Variants in ZNF324B observed in about 807,000 individuals in gnomAD.
ZNF324B encodes the protein zinc finger protein 324B.
Under a neutral mutation model 10.6 loss-of-function variants are expected in ZNF324B, and 7 were observed. The ratio of observed to expected loss-of-function variants is 0.66; its 90% CI spans 0.38 to 1.24. The LOEUF is 1.24. Ranked by LOEUF, ZNF324B falls within the 50% of genes most tolerant of loss-of-function variation. The probability of loss-of-function intolerance (pLI) is 0.02; values close to 1 mark genes in which losing one functional copy is unlikely to be tolerated. For missense variants in ZNF324B, 640 were observed against 764.7 expected, an observed-to-expected ratio of 0.84 and a Z score of 1.92; for synonymous variants, 316 against 321.0, an observed-to-expected ratio of 0.98 and a Z score of 0.17.
the ZNF324B span, among the ~76,000 whole-genome samples, chr19:58,439,170 C>T: frequency 6.6e-6 from 1 of 152,194 alleles, no homozygotes; most frequent in East Asian, 1.9e-4. Flanking sequence ...ATCTGTCCTA[C>T]CTCCACGGGC....
Position 58,456,361 on chromosome 19 carries a change from C to T in ZNF324B, c.1417C>T (p.Arg473Cys). The T allele has an allele frequency of 1.2e-6, 2 of 1,612,710 alleles. No homozygotes were observed. The highest frequency in any genetic ancestry group is 1.7e-6 in the Non-Finnish European group (2 of 1,179,958). Residue 473 changes from arginine (R) to cysteine (C), a missense_variant, in exon 4 of 4, where the codon CGC (arginine) becomes TGC (cysteine). By Grantham distance (180) the Arg-to-Cys change is radical. Transcript: ENST00000336614. The surrounding 1 kb of genome is among the most constrained non-coding windows in gnomAD (Gnocchi z 4.7). ...GGGCGCCGTGCTGCTCAGCCACCGG[C>T]GCATTCACACGGGCGAGAAGCCCTT... Reference protein sequence around the residue: ...AKGAVLLSHRRIHTGEKPFVC... With the variant: ...AKGAVLLSHRCIHTGEKPFVC...
At chr19:58,438,971 G>T in the ZNF324B span, among the ~76,000 whole-genome samples, 2 of 151,266 alleles carry the variant, frequency 1.3e-5, no homozygotes, top group Admixed American at 6.6e-5. Flanking sequence ...GTGGGGTTTC[G>T]CCACGTTGGC....
At chr19:58,431,991 T>C in the ZNF324B span, among the ~76,000 whole-genome samples, 85 of 150,436 alleles carry the variant, frequency 5.7e-4, no homozygotes, top group Middle Eastern at 3.4e-3. Flanking sequence ...CAAGACTCCA[T>C]ATCAAAAAAA....
At position 58,451,655 on chromosome 19, in the gene ZNF324B, G is replaced by A. The variant is rs545114087; in HGVS notation, c.-56G>A. ...GCTGCTCGCGTCAGGCCACACCGGTGGTCTGGGCTGTGGCGCGCGGGTCGG... is the reference window on the plus strand; with the variant it reads ...GCTGCTCGCGTCAGGCCACACCGGTAGTCTGGGCTGTGGCGCGCGGGTCGG... On this transcript the variant is annotated 5_prime_UTR_variant, in exon 1 of 4. Coordinates refer to ENST00000336614, the MANE Select transcript of ZNF324B (RefSeq NM_207395.3). 13 of 513,158 alleles carry A rather than the reference G, an allele frequency of 2.5e-5. No individual in the cohort carries two copies. The highest frequency in any genetic ancestry group is 1.7e-4 in the East Asian group (3 of 17,210). The allele number at this position is 513,158 out of a possible 1,614,324, so 31.8% of individuals were successfully genotyped here.
In ZNF324B at chr19:58,451,656, G is replaced by C. The variant is rs765672998; in HGVS notation, c.-55G>C. The C allele has an allele frequency of 1.4e-5, 7 of 513,148 alleles. No homozygotes were observed. Among genetic ancestry groups the C allele is most frequent in the Non-Finnish European group, 2.3e-5 (6 of 257,382 alleles). 31.8% of individuals were successfully genotyped at this position (513,148 alleles called of 1,614,324 possible). On this transcript the variant is annotated 5_prime_UTR_variant, in exon 1 of 4. Coordinates refer to ENST00000336614, the MANE Select transcript of ZNF324B (RefSeq NM_207395.3). The stretch of plus-strand genomic sequence containing the variant: ...CTGCTCGCGTCAGGCCACACCGGTG[G>C]TCTGGGCTGTGGCGCGCGGGTCGGG...
chr19:58,434,291 T>C, the ZNF324B span: 3 of 1,614,108 alleles, frequency 1.9e-6, no homozygotes, highest in East Asian at 4.5e-5. Context: ...GAGCTTTGGC[T>C]GAAGGCTCTT....
At chr19:58,434,518 T>G in the ZNF324B span, 1 of 1,614,234 alleles carries the variant, frequency 6.2e-7, no homozygotes. Context: ...AAATTTCTGG[T>G]GCTTCCTCAG....
In ZNF324B at chr19:58,456,363, C is replaced by T. The variant is rs2052921940; in HGVS notation, c.1419C>T (p.Arg473=). ...AKGAVLLSHR[R]IHTGEKPFVC... ...GCGCCGTGCTGCTCAGCCACCGGCG[C>T]ATTCACACGGGCGAGAAGCCCTTCG... The change falls in exon 4 of 4, where the codon CGC becomes CGT. Residue 473 remains arginine, a synonymous_variant. Coordinates refer to ENST00000336614, the MANE Select transcript of ZNF324B (RefSeq NM_207395.3). This position sits in a 1 kb window ranked among gnomAD's most constrained non-coding sequence, Gnocchi z 4.7. 1 of 1,612,776 alleles carries T rather than the reference C, an allele frequency of 6.2e-7. No homozygotes were observed. The highest frequency in any genetic ancestry group is 1.1e-5 in the South Asian group (1 of 91,066).
the ZNF324B span, among the ~76,000 whole-genome samples, chr19:58,427,220 T>G: frequency 1.3e-5 from 2 of 151,978 alleles, no homozygotes; most frequent in Non-Finnish European, 2.9e-5. Flanking sequence ...AACCTCTGCC[T>G]CCCAGGCTCA....
the ZNF324B span, chr19:58,437,142 T>C: frequency 5.0e-6 from 8 of 1,613,930 alleles, no homozygotes; most frequent in African/African-American, 1.1e-4. Context: ...TTGGGAGAAG[T>C]ATACAGCCAC....
the ZNF324B span, chr19:58,419,219 T>C: frequency 6.6e-6 from 1 of 152,152 alleles, no homozygotes; most frequent in African/African-American, 2.4e-5. Context: ...ACATAAAAAG[T>C]TGGGTTCCTT....
In ZNF324B at chr19:58,453,908, C is replaced by A. The variant is rs1599980915; in HGVS notation, c.121+86C>A. 7.1e-6 allele frequency: 11 copies of A among 1,540,710 alleles called. No individual in the cohort carries two copies. In the East Asian group the frequency reaches 2.3e-4, roughly 32 times the overall value. Reference sequence around the variant, plus strand: ...TTCCCTCCTGGTTGATGAGCAGGATCAAATCTGGCCAGGGCCACGTGGAAC... The same window carrying A: ...TTCCCTCCTGGTTGATGAGCAGGATAAAATCTGGCCAGGGCCACGTGGAAC... On this transcript the variant is annotated intron_variant, in intron 2 of 3. Transcript: ENST00000336614.
the ZNF324B span, among the ~76,000 whole-genome samples, chr19:58,420,177 G>C: frequency 6.6e-6 from 1 of 152,132 alleles, no homozygotes; most frequent in Non-Finnish European, 1.5e-5. Flanking sequence ...CCAGCACTTT[G>C]GGAGGCCGAG....
chr19:58,435,129 A>G, the ZNF324B span: 3 of 1,614,184 alleles, frequency 1.9e-6, no homozygotes, highest in Non-Finnish European at 2.5e-6. Context: ...AAGGATCTGC[A>G]TTAGGGATCC....
At chr19:58,434,502 A>C in the ZNF324B span, 7 of 1,614,182 alleles carry the variant, frequency 4.3e-6, no homozygotes, top group East Asian at 2.2e-5. Context: ...ATTTTACTTC[A>C]GTGTGAAATT....
In ZNF324B at chr19:58,454,297, G is replaced by T; in HGVS notation, c.191G>T (p.Gly64Val). The T allele has an allele frequency of 6.2e-7, 1 of 1,614,154 alleles. No homozygotes were observed. ...ERGEEPWVPS[G>V]KDMTLARNTY... ...GGCGAGGAGCCCTGGGTTCCCAGTG[G>T]AAAGGACATGACCCTGGCCAGGAAC... Residue 64 changes from glycine to valine, a missense_variant, in exon 3 of 4, where the codon GGA becomes GTA. Around this residue, in one of 3 missense-constraint regions of ZNF324B, gnomAD observed 345 missense variants for 387.9 expected, o/e 0.89. Transcript: ENST00000336614.
chr19:58,432,998 C>A, the ZNF324B span: 2 of 208,196 alleles, frequency 9.6e-6, no homozygotes, highest in Non-Finnish European at 1.9e-5. Context: ...CCTCAACCAG[C>A]ATCGGTTCAG....
chr19:58,455,968 C>T lies in ZNF324B; in HGVS notation c.1024C>T (p.Arg342Cys), dbSNP rs1443360710. 1.9e-6 allele frequency: 3 copies of T among 1,590,646 alleles called. No individual in the cohort carries two copies. Among genetic ancestry groups the T allele is most frequent in the Admixed American group, 3.4e-5 (2 of 57,982 alleles). Reference protein sequence around the residue: ...QRIHTAEKSFRCSECGKAFSH... With the variant: ...QRIHTAEKSFCCSECGKAFSH... ...CATCCACACGGCCGAGAAGTCCTTCCGCTGCTCCGAGTGCGGCAAGGCCTT... is the reference window on the plus strand; with the variant it reads ...CATCCACACGGCCGAGAAGTCCTTCTGCTGCTCCGAGTGCGGCAAGGCCTT... The change falls in exon 4 of 4, where the codon CGC becomes TGC. Residue 342 changes from arginine to cysteine, a missense_variant. Around this residue, in one of 3 missense-constraint regions of ZNF324B, gnomAD observed 57 missense variants for 118.8 expected, o/e 0.48. Transcript: ENST00000336614. This position sits in a 1 kb window ranked among gnomAD's most constrained non-coding sequence, Gnocchi z 7.0.
chr19:58,453,651 G>A, intron 1 of ZNF324B, 45 bp from the exon 2 acceptor site: 1 of 1,614,054 alleles, frequency 6.2e-7, no homozygotes, highest in Admixed American at 1.7e-5. Flanking sequence ...CTGGCTCACA[G>A]CCATACCTTA....
Sources: gnomAD v4.1 joint callset for allele counts (sites outside exome capture counted in the v4.1 genomes callset) on GRCh38, gnomAD v4.1.1 for gene constraint, gnomAD v4.1.1 regional missense constraint, Gnocchi (gnomAD v3.1) non-coding constraint, MANE v1.5 for transcripts, NCBI Gene and HGNC (gene_info 2026-07-23, HGNC 2026-07-21) for gene names.